BMERB1: variants seen among roughly 807,000 people sequenced by gnomAD.
The protein encoded by BMERB1 is bMERB domain containing 1.
A neutral mutation model predicts 23.6 loss-of-function variants in BMERB1; 12 were observed. That is an observed-to-expected ratio of 0.51 (90% CI 0.33 to 0.82). The LOEUF (loss-of-function observed/expected upper bound fraction) is 0.82. Ranked by LOEUF, BMERB1 falls within the 40% of genes least tolerant of loss-of-function variation. The pLI is 0.03. For synonymous variants in BMERB1, 122 were observed against 96.6 expected (o/e 1.26, Z -1.54); for missense variants, 247 against 255.4 (o/e 0.97, Z 0.22).
intron 2 of BMERB1, among the ~76,000 whole-genome samples, chr16:15,537,738 G>A (rs1488384870): frequency 1.3e-5 from 2 of 151,708 alleles, no homozygotes. Flanking sequence ...GCTTACTGCA[G>A]CCTTGAACTC....
chr16:15,558,535 A>C (rs115406409), intron 2 of BMERB1, among the ~76,000 whole-genome samples: 2,288 of 152,196 alleles, frequency 0.015, 62 homozygotes, highest in African/African-American at 0.052. Flanking sequence ...GCACAGGTTC[A>C]GTTGAAGGGT....
rs191425777 is a variant in BMERB1 at position 15,557,595 on chromosome 16, G to A, written c.231-10388G>A. Among the ~76,000 whole-genome samples, 8 of 152,282 alleles carry A rather than the reference G, an allele frequency of 5.3e-5. No homozygotes were observed. The East Asian group carries it at 1.2e-3, about 22-fold the overall frequency. ...TGTCTTCAGCTGCAAGTAACACAGCGTCCGACGACTAGTGTCTTAAATCTT... is the reference window on the plus strand; with the variant it reads ...TGTCTTCAGCTGCAAGTAACACAGCATCCGACGACTAGTGTCTTAAATCTT... On this transcript the variant is annotated intron_variant, in intron 2 of 5. Coordinates refer to ENST00000300006, the MANE Select transcript of BMERB1 (RefSeq NM_033201.3).
chr16:15,458,980 G>A lies in BMERB1; in HGVS notation c.106+24221G>A, dbSNP rs576687812. Among the ~76,000 whole-genome samples the A allele has an allele frequency of 5.9e-5, 9 of 152,066 alleles. No homozygotes were observed. In the East Asian group the frequency reaches 1.2e-3, roughly 20 times the overall value. On this transcript the variant is annotated intron_variant, in intron 1 of 5. Transcript: ENST00000300006. ...AAATTATCCGGGCGTGGTGGCGGGC[G>A]CCCATAATCCCAGCTACTCGGGAGG...
chr16:15,521,808 A>G (rs2051856734), intron 2 of BMERB1, among the ~76,000 whole-genome samples: 1 of 152,042 alleles, frequency 6.6e-6, no homozygotes, highest in Admixed American at 6.6e-5. Flanking sequence ...TAATGCTTGA[A>G]ACGCCTGTGT....
intron 2 of BMERB1, among the ~76,000 whole-genome samples, chr16:15,527,155 G>A (rs2051917494): frequency 6.6e-6 from 1 of 151,912 alleles, no homozygotes; most frequent in African/African-American, 2.4e-5. Context: ...CATACTGTGT[G>A]TAACCATCAC....
intron 1 of BMERB1, among the ~76,000 whole-genome samples, chr16:15,455,573 G>T (rs2051079731): frequency 6.6e-6 from 1 of 151,832 alleles, no homozygotes; most frequent in African/African-American, 2.4e-5. Context: ...CCATTTTCCT[G>T]CCTCAGCCTC....
chr16:15,440,633 A>G (rs1278026879), intron 1 of BMERB1, among the ~76,000 whole-genome samples: 1 of 152,152 alleles, frequency 6.6e-6, no homozygotes, highest in African/African-American at 2.4e-5. Context: ...ATTTGAATTC[A>G]TCTGAAATAT....
In BMERB1 at chr16:15,572,134, G is replaced by A. The variant is rs1389303180; in HGVS notation, c.304+4078G>A. On this transcript the variant is annotated intron_variant, in intron 3 of 5. Coordinates refer to ENST00000300006, the MANE Select transcript of BMERB1 (RefSeq NM_033201.3). ...TTTAGTAATTAGAGTGCAGCAATCT[G>A]GGTTTGAATTCAGCCTTAGCAGGCA... Among the ~76,000 whole-genome samples the A allele has an allele frequency of 2.6e-5, 4 of 152,196 alleles. No homozygotes were observed. The East Asian group carries it at 7.7e-4, about 29-fold the overall frequency.
At chr16:15,535,492 A>G (rs1295113457) in intron 2 of BMERB1, among the ~76,000 whole-genome samples, 2 of 151,306 alleles carry the variant, frequency 1.3e-5, no homozygotes, top group African/African-American at 4.9e-5. Flanking sequence ...CTAAAAATAC[A>G]AAAAAAAATT....
At chr16:15,559,703 C>G (rs1025141721) in intron 2 of BMERB1, among the ~76,000 whole-genome samples, 1 of 152,146 alleles carries the variant, frequency 6.6e-6, no homozygotes, top group South Asian at 2.1e-4. Context: ...TGAATGGACA[C>G]CTAACCCTGA....
chr16:15,550,559 A>G (rs1307974225), intron 2 of BMERB1, among the ~76,000 whole-genome samples: 1 of 147,942 alleles, frequency 6.8e-6, no homozygotes, highest in Non-Finnish European at 1.5e-5. Flanking sequence ...GCTGATCTCA[A>G]ACTCCTGAGC....
At chr16:15,454,922 G>C (rs1468119428) in intron 1 of BMERB1, among the ~76,000 whole-genome samples, 1 of 152,178 alleles carries the variant, frequency 6.6e-6, no homozygotes, top group Non-Finnish European at 1.5e-5. Flanking sequence ...CTGTTCACTT[G>C]GTGAAATTTG....
At chr16:15,458,768 A>G (rs2051109999) in intron 1 of BMERB1, among the ~76,000 whole-genome samples, 1 of 151,590 alleles carries the variant, frequency 6.6e-6, no homozygotes, top group South Asian at 2.1e-4. Flanking sequence ...GTTCAAGGAA[A>G]CCTCAGAACT....
intron 1 of BMERB1, among the ~76,000 whole-genome samples, chr16:15,507,987 T>G (rs1296484512): frequency 6.6e-6 from 1 of 152,202 alleles, no homozygotes; most frequent in Non-Finnish European, 1.5e-5. Flanking sequence ...TCAGTTTTGT[T>G]ATGATGATGA....
chr16:15,545,130 G>A (rs915089042), intron 2 of BMERB1, among the ~76,000 whole-genome samples: 1 of 152,090 alleles, frequency 6.6e-6, no homozygotes, highest in Non-Finnish European at 1.5e-5. Context: ...CCGCCACCAC[G>A]CCTGACTAAC....
rs181459152 is a variant in BMERB1, at chr16:15,532,523, C to T, written c.230+17095C>T. Among the ~76,000 whole-genome samples the T allele has an allele frequency of 6.3e-3, 889 of 140,098 alleles. 11 individuals are homozygous for T. The highest frequency in any genetic ancestry group is 0.022 in the African/African-American group (834 of 37,668). 91.9% of individuals were successfully genotyped at this position (140,098 alleles called of 152,430 possible). ...GATTACAGGCTTGAGCCACTATGCCCGGCCTTTTTTTTTTCTTTTTCTTTT... is the reference window on the plus strand; with the variant it reads ...GATTACAGGCTTGAGCCACTATGCCTGGCCTTTTTTTTTTCTTTTTCTTTT... On this transcript the variant is annotated intron_variant, in intron 2 of 5. Coordinates refer to ENST00000300006, the MANE Select transcript of BMERB1 (RefSeq NM_033201.3).
Position 15,488,600 on chromosome 16 carries a change from G to A in BMERB1, c.107-26705G>A, listed in dbSNP as rs149184770. 2.1e-3 allele frequency among the ~76,000 whole-genome samples: 324 copies of A among 151,526 alleles called. 1 individual carries two copies. Among genetic ancestry groups the A allele is most frequent in the African/African-American group, 7.5e-3 (310 of 41,232 alleles). ...TGTAATCCCAGCACTTTGGGAGGCC[G>A]AGGCGGGTGGATCACGAGGTCAGGA... On this transcript the variant is annotated intron_variant, in intron 1 of 5. Transcript: ENST00000300006.
chr16:15,552,913 C>G (rs974389501), intron 2 of BMERB1, among the ~76,000 whole-genome samples: 3 of 152,190 alleles, frequency 2.0e-5, no homozygotes, highest in Non-Finnish European at 4.4e-5. Context: ...GTGGCTCACC[C>G]CTGTTATCTC....
At chr16:15,504,090 A>G (rs13339072) in intron 1 of BMERB1, among the ~76,000 whole-genome samples, 86,239 of 151,958 alleles carry the variant, frequency 0.57, 26,786 homozygotes, top group Middle Eastern at 0.74. Flanking sequence ...TTGTTCCCCA[A>G]TGTTGCAGAT....
Sources: allele counts gnomAD v4.1 joint callset (sites outside exome capture counted in the v4.1 genomes callset), GRCh38; gene constraint gnomAD v4.1.1; transcripts MANE v1.5; gene names NCBI Gene and HGNC (gene_info 2026-07-23, HGNC 2026-07-21).